The following MUC22 variants were observed in gnomAD, a reference collection of about 807,000 sequenced individuals.
The protein encoded by MUC22 is mucin 22.
A neutral mutation model predicts 40.3 loss-of-function variants in MUC22; 24 were observed. That is an observed-to-expected ratio of 0.60 (90% CI 0.43 to 0.84). MUC22 has a LOEUF of 0.84. MUC22 is among the 40% of genes least tolerant of loss of function. The pLI is 0.00. For missense variants in MUC22, 1,926 were observed against 2,130.7 expected (o/e 0.90, Z 1.89); for synonymous variants, 765 against 844.5 (o/e 0.91, Z 1.63).
At chr6:31,027,642 A>C (rs776855082) in exon 2 of MUC22, 9 of 1,529,756 alleles carry the variant, frequency 5.9e-6, no homozygotes, top group Non-Finnish European at 8.7e-7. Flanking sequence ...AGACCACCAC[A>C]GCCTCTAATA....
At chr6:31,009,342 C>T (rs1562566793), upstream of MUC22, among the ~76,000 whole-genome samples, 1 of 152,200 alleles carries the variant, frequency 6.6e-6, no homozygotes, top group Non-Finnish European at 1.5e-5. Context: ...GTTGGGATTA[C>T]AGGCATGAGC....
chr6:31,032,325 C>G lies in MUC22; in HGVS notation c.4799C>G (p.Thr1600Arg), dbSNP rs1208329338. ...GTCTTAAACACCTCTGGCCTGGGTACATCCACTATGGGAGCATCATCTACC... is the reference window on the plus strand; with the variant it reads ...GTCTTAAACACCTCTGGCCTGGGTAGATCCACTATGGGAGCATCATCTACC... Residue 1600 changes from threonine to arginine, a missense_variant, in exon 3 of 4, where the codon ACA (threonine) becomes AGA (arginine). Thr to Arg is a moderately conservative substitution (Grantham distance 71). Around this residue, in one of 3 missense-constraint regions of MUC22, gnomAD observed 610 missense variants for 714.6 expected, o/e 0.85. Transcript: ENST00000561890. This position sits in a 1 kb window ranked among gnomAD's most constrained non-coding sequence, Gnocchi z 4.1. 6.5e-7 allele frequency: 1 copy of G among 1,535,550 alleles called. No individual in the cohort carries two copies. Among genetic ancestry groups the G allele is most frequent in the Non-Finnish European group, 8.7e-7 (1 of 1,146,902 alleles).
At chr6:31,021,928 T>C (rs1000099448) in intron 1 of MUC22, among the ~76,000 whole-genome samples, 3 of 152,104 alleles carry the variant, frequency 2.0e-5, no homozygotes, top group Admixed American at 1.3e-4. Context: ...GTCTACACTG[T>C]TTTTATGATC....
intron 1 of MUC22, among the ~76,000 whole-genome samples, chr6:31,019,520 G>A (rs1462248964): frequency 1.3e-5 from 2 of 152,320 alleles, no homozygotes; most frequent in African/African-American, 2.4e-5. Context: ...ATCAGGGTTG[G>A]ACAGGAGGGG....
At chr6:31,021,377 T>G (rs916864003) in intron 1 of MUC22, among the ~76,000 whole-genome samples, 1 of 151,688 alleles carries the variant, frequency 6.6e-6, no homozygotes, top group Non-Finnish European at 1.5e-5. Context: ...GCACTCTGTA[T>G]CTAGCTCAAG....
Position 31,029,393 on chromosome 6 carries a change from C to A in MUC22, c.3962C>A (p.Thr1321Lys), listed in dbSNP as rs776665921. The change falls in exon 2 of 4, where the codon ACG (threonine) becomes AAG (lysine). Residue 1321 changes from threonine to lysine, a missense_variant. Thr to Lys is a moderately conservative substitution (Grantham distance 78). This residue lies in a region of MUC22 where 610 missense variants were observed against 714.6 expected (regional missense o/e 0.85). Coordinates refer to ENST00000561890, the Ensembl canonical transcript of MUC22. ...TCTGAGACAACCACAGTCTCTACCA[C>A]GGGCTCTGAGACCACCACAGCCTCT... The A allele has an allele frequency of 3.3e-6, 5 of 1,532,626 alleles. No homozygotes were observed. In the East Asian group the frequency reaches 9.9e-5, roughly 30 times the overall value. The allele number at this position is 1,532,626 out of a possible 1,614,324, so 94.9% of individuals were successfully genotyped here.
chr6:31,022,384 G>A (rs114863828), intron 1 of MUC22, among the ~76,000 whole-genome samples: 3,566 of 152,028 alleles, frequency 0.023, 67 homozygotes, highest in Non-Finnish European at 0.027. Flanking sequence ...GGCTGGTATC[G>A]AACTCCTGGT....
At position 31,026,863 on chromosome 6, in the gene MUC22, G is replaced by A. The variant is rs976554601; in HGVS notation, c.1432G>A (p.Ala478Thr). The A allele has an allele frequency of 2.0e-4, 287 of 1,468,340 alleles. 13 individuals are homozygous for A. The African/African-American group carries it at 3.7e-3, about 19-fold the overall frequency. 91.0% of individuals were successfully genotyped at this position (1,468,340 alleles called of 1,614,324 possible). A position where few individuals can be genotyped will look rare whatever the true frequency, so the allele number is the denominator to read the frequency against. ...CTCTACTGCACATTCTGAGACGACT[G>A]CAGCCTCCACCATGGGCTCTGAGAC... The change falls in exon 2 of 4, where the codon GCA (alanine) becomes ACA (threonine). Residue 478 changes from alanine to threonine, a missense_variant. This residue lies in a region of MUC22 where 1,281 missense variants were observed against 1,337.8 expected (regional missense o/e 0.96). Transcript: ENST00000561890.
At chr6:31,010,345 G>A (rs897361688), upstream of MUC22, 2 of 230,908 alleles carry the variant, frequency 8.7e-6, no homozygotes, top group African/African-American at 4.5e-5. Flanking sequence ...ATTCCTGTAG[G>A]GTACATCTCT....
At chr6:31,029,188 T>A (rs1265852824) in exon 2 of MUC22, 1 of 1,534,978 alleles carries the variant, frequency 6.5e-7, no homozygotes, top group South Asian at 1.2e-5. Flanking sequence ...TATTGAAGGC[T>A]CTGAGACCAC....
exon 2 of MUC22, chr6:31,026,648 C>G (rs1765384501): frequency 6.0e-6 from 9 of 1,508,740 alleles, no homozygotes; most frequent in Non-Finnish European, 8.0e-6. Context: ...GGCTCTGAGA[C>G]CACCACAGCC....
upstream of MUC22, among the ~76,000 whole-genome samples, chr6:31,010,069 ATCCCCAGCT>A (rs1763760039): frequency 6.6e-6 from 1 of 151,968 alleles, no homozygotes; most frequent in Admixed American, 6.6e-5. Context: ...CACCCTCCAA[ATCCCCAGCT>A]TCCCCTAGAT....
At chr6:31,023,154 T>C (rs1765009430) in intron 1 of MUC22, among the ~76,000 whole-genome samples, 1 of 129,074 alleles carries the variant, frequency 7.7e-6, no homozygotes, top group Non-Finnish European at 1.7e-5. Context: ...AAAAACAAAA[T>C]ACTGGGTTAA....
At chr6:31,025,395 T>C in intron 1 of MUC22, 107 bp from the exon 2 acceptor site, 2 of 1,284,078 alleles carry the variant, frequency 1.6e-6, no homozygotes, top group Non-Finnish European at 2.1e-6. Flanking sequence ...AATAACTGAA[T>C]AAATAAATGA....
chr6:31,008,827 G>A (rs971368606), upstream of MUC22, among the ~76,000 whole-genome samples: 9 of 151,940 alleles, frequency 5.9e-5, no homozygotes, highest in African/African-American at 1.9e-4. Context: ...GATTACAGGC[G>A]TGAGCCACCA....
chr6:31,027,036 A>G lies in MUC22; in HGVS notation c.1605A>G (p.Thr535=). The change falls in exon 2 of 4, where the codon ACA becomes ACG. Residue 535 remains threonine, a synonymous_variant. Transcript: ENST00000561890. ...CAGCCTCTACTACAGGGTTTGAGAC[A>G]ACCGCAGCCTCTACTACAGGCTCTG... The G allele has an allele frequency of 2.0e-6, 3 of 1,499,322 alleles. 1 individual carries two copies. The highest frequency in any genetic ancestry group is 2.7e-6 in the Non-Finnish European group (3 of 1,121,814). The allele number at this position is 1,499,322 out of a possible 1,614,324, so 92.9% of individuals were successfully genotyped here.
In MUC22 at chr6:31,028,266, TA is replaced by T; in HGVS notation, c.2836del (p.Thr946GlnfsTer95). 6.5e-7 allele frequency: 1 copy of T among 1,532,364 alleles called. No individual in the cohort carries two copies. Among genetic ancestry groups the T allele is most frequent in the Non-Finnish European group, 8.7e-7 (1 of 1,146,038 alleles). The allele number at this position is 1,532,364 out of a possible 1,614,324, so 94.9% of individuals were successfully genotyped here. A position where few individuals can be genotyped will look rare whatever the true frequency, so the allele number is the denominator to read the frequency against. On this transcript the variant is annotated frameshift_variant, in exon 2 of 4. Transcript: ENST00000561890. LOFTEE classifies it high-confidence loss of function. ...TCTCTACTGAAGGCTCTGGGACCACTACAGTCTCCATCACAGGCTCTGAGAC... is the reference window on the plus strand; with the variant it reads ...TCTCTACTGAAGGCTCTGGGACCACTCAGTCTCCATCACAGGCTCTGAGAC...
exon 2 of MUC22, chr6:31,028,661 T>A: frequency 5.3e-6 from 8 of 1,512,292 alleles, no homozygotes; most frequent in Non-Finnish European, 7.0e-6. Context: ...ACCACCACAG[T>A]CTCCACTGCA....
At chr6:31,031,274 G>C (rs540237146) in intron 2 of MUC22, among the ~76,000 whole-genome samples, 2 of 152,132 alleles carry the variant, frequency 1.3e-5, no homozygotes, top group African/African-American at 4.8e-5. Context: ...TTCTCCACTT[G>C]GGTCAGGTCC....
Sources: gnomAD v4.1 joint callset for allele counts (sites outside exome capture counted in the v4.1 genomes callset) on GRCh38, gnomAD v4.1.1 for gene constraint, gnomAD v4.1.1 regional missense constraint, Gnocchi (gnomAD v3.1) non-coding constraint, MANE v1.5 for transcripts, NCBI Gene and HGNC (gene_info 2026-07-23, HGNC 2026-07-21) for gene names.